The following ZFAND3 variants were observed in gnomAD, a reference collection of about 807,000 sequenced individuals.
ZFAND3 encodes the protein AN1-type zinc finger protein 3.
A neutral mutation model predicts 29.6 loss-of-function variants in ZFAND3; 10 were observed. That is an observed-to-expected ratio of 0.34 (90% CI 0.21 to 0.57). The LOEUF is 0.57. ZFAND3 is among the 20% of genes least tolerant of loss of function. ZFAND3 has a pLI of 0.86. For missense variants in ZFAND3, 230 were observed against 304.5 expected (o/e 0.76, Z 1.82); for synonymous variants, 128 against 112.6 (o/e 1.14, Z -0.87).
At chr6:38,120,113 C>T (rs986402987) in intron 5 of ZFAND3, among the ~76,000 whole-genome samples, 5 of 152,062 alleles carry the variant, frequency 3.3e-5, no homozygotes, top group Non-Finnish European at 7.4e-5. Context: ...AAAACAGTTG[C>T]CTGAAAATGG....
intron 1 of ZFAND3, among the ~76,000 whole-genome samples, chr6:37,924,037 A>G (rs1187705472): frequency 6.6e-6 from 1 of 152,124 alleles, no homozygotes; most frequent in Non-Finnish European, 1.5e-5. Context: ...ACCAGAACAT[A>G]CTATTAAACA....
intron 4 of ZFAND3, among the ~76,000 whole-genome samples, chr6:38,096,492 T>C (rs567423237): frequency 1.3e-3 from 194 of 152,308 alleles, no homozygotes; most frequent in African/African-American, 4.5e-3. Flanking sequence ...TTTATAAGCT[T>C]AGTGTTCTAA....
chr6:38,002,872 G>C, intron 2 of ZFAND3: 1 of 152,076 alleles, frequency 6.6e-6, no homozygotes. Flanking sequence ...CTTCATCTGG[G>C]CCTTCCCTAT....
chr6:37,822,394 T>C (rs971600565), intron 1 of ZFAND3, among the ~76,000 whole-genome samples: 2 of 152,244 alleles, frequency 1.3e-5, no homozygotes, highest in African/African-American at 4.8e-5. Flanking sequence ...GACAATTGTG[T>C]AGTTTGTATT....
At chr6:38,150,421 C>G (rs891097401) in intron 5 of ZFAND3, among the ~76,000 whole-genome samples, 4 of 152,204 alleles carry the variant, frequency 2.6e-5, no homozygotes, top group East Asian at 1.9e-4. Context: ...GTACATGTCC[C>G]TTGCACACAG....
chr6:37,988,105 T>G lies in ZFAND3; in HGVS notation c.112+58106T>G, dbSNP rs144060655. Among the ~76,000 whole-genome samples the G allele has an allele frequency of 4.1e-3, 632 of 152,332 alleles. 7 individuals carry two copies. The highest frequency in any genetic ancestry group is 0.014 in the African/African-American group (595 of 41,584). On this transcript the variant is annotated intron_variant, in intron 2 of 5. Transcript: ENST00000287218. Reference sequence around the variant, plus strand: ...TTTAAAAAAAGTTTTTAATGCTTCCTTAGAAGAAAATATTAATTTTGCCAA... The same window carrying G: ...TTTAAAAAAAGTTTTTAATGCTTCCGTAGAAGAAAATATTAATTTTGCCAA...
intron 5 of ZFAND3, among the ~76,000 whole-genome samples, chr6:38,149,455 TAAC>T (rs888891356): frequency 6.7e-6 from 1 of 150,238 alleles, no homozygotes; most frequent in Non-Finnish European, 1.5e-5. Flanking sequence ...AAGATGTGTC[TAAC>T]AGGTACACAG....
chr6:37,824,304 A>G (rs1363201270), intron 1 of ZFAND3, among the ~76,000 whole-genome samples: 1 of 152,232 alleles, frequency 6.6e-6, no homozygotes, highest in Non-Finnish European at 1.5e-5. Context: ...AACTATACAG[A>G]TATAAGTGGT....
chr6:38,111,933 T>C (rs372557994), intron 4 of ZFAND3, among the ~76,000 whole-genome samples: 247 of 152,334 alleles, frequency 1.6e-3, no homozygotes, highest in Middle Eastern at 3.4e-3. Context: ...TGAGCATCTA[T>C]GGAATTTGGT....
chr6:37,962,360 T>C lies in ZFAND3; in HGVS notation c.112+32361T>C, dbSNP rs116202508. 2.2e-3 allele frequency among the ~76,000 whole-genome samples: 329 copies of C among 152,294 alleles called. 3 individuals carry two copies. The highest frequency in any genetic ancestry group is 7.7e-3 in the African/African-American group (321 of 41,554). On this transcript the variant is annotated intron_variant, in intron 2 of 5. Coordinates refer to ENST00000287218, the MANE Select transcript of ZFAND3 (RefSeq NM_021943.3). ...GCCTACAGGATCTAGAGAATAGCTA[T>C]AAGAGGACAAATCTAAGAGTTACTG... is the stretch of plus-strand genomic sequence containing the variant.
rs115289171 is a variant in ZFAND3 at position 37,991,006 on chromosome 6, C to A, written c.112+61007C>A. On this transcript the variant is annotated intron_variant, in intron 2 of 5. Coordinates refer to ENST00000287218, the MANE Select transcript of ZFAND3 (RefSeq NM_021943.3). The stretch of plus-strand genomic sequence containing the variant: ...AGTTCAGTCAGGGATAAGAGTTTGT[C>A]TTTGTGGGAGTCAGTTTTCACTAAG... Among the ~76,000 whole-genome samples, 470 of 152,320 alleles carry A rather than the reference C, an allele frequency of 3.1e-3. 3 individuals carry two copies. The highest frequency in any genetic ancestry group is 0.011 in the African/African-American group (447 of 41,572).
chr6:37,882,697 G>T (rs965535336), intron 1 of ZFAND3, among the ~76,000 whole-genome samples: 1 of 150,862 alleles, frequency 6.6e-6, no homozygotes, highest in African/African-American at 2.4e-5. Context: ...GCCATGGCCA[G>T]ACTAGGTTAG....
rs759456416 is a variant in ZFAND3 at position 37,915,115 on chromosome 6, T to C, written c.72-14844T>C. 2.6e-5 allele frequency among the ~76,000 whole-genome samples: 4 copies of C among 152,336 alleles called. 1 individual carries two copies. Among genetic ancestry groups the C allele is most frequent in the South Asian group, 2.1e-4 (1 of 4,826 alleles). Reference sequence around the variant, plus strand: ...GCTGCTTCACCTTGCATTTTTGTTATGGAGATGGCTTCTTTTTTTTAAACC... The same window carrying C: ...GCTGCTTCACCTTGCATTTTTGTTACGGAGATGGCTTCTTTTTTTTAAACC... On this transcript the variant is annotated intron_variant, in intron 1 of 5. Transcript: ENST00000287218.
intron 1 of ZFAND3, among the ~76,000 whole-genome samples, chr6:37,925,703 C>CAA (rs35278839): frequency 0.033 from 3,963 of 118,472 alleles, 234 homozygotes; most frequent in East Asian, 0.32. Flanking sequence ...CACTCCATCT[C>CAA]AAAAAAAAAA....
At chr6:38,143,038 C>T (rs185898147) in intron 5 of ZFAND3, 16 of 152,332 alleles carry the variant, frequency 1.1e-4, no homozygotes, top group African/African-American at 3.9e-4. Context: ...TAACCTTACC[C>T]TACCCGCTGG....
At chr6:37,954,723 A>G (rs1349746267) in intron 2 of ZFAND3, among the ~76,000 whole-genome samples, 2 of 152,178 alleles carry the variant, frequency 1.3e-5, no homozygotes, top group African/African-American at 2.4e-5. Context: ...AAAACTTCCC[A>G]TGCTTTATTC....
At chr6:37,918,729 A>T (rs1160371090) in intron 1 of ZFAND3, among the ~76,000 whole-genome samples, 1 of 152,114 alleles carries the variant, frequency 6.6e-6, no homozygotes, top group Non-Finnish European at 1.5e-5. Context: ...AATTATTTTG[A>T]CACACTTTGG....
At chr6:38,008,576 G>C (rs539381526) in intron 2 of ZFAND3, among the ~76,000 whole-genome samples, 3 of 152,066 alleles carry the variant, frequency 2.0e-5, no homozygotes, top group Admixed American at 2.0e-4. Flanking sequence ...GCATGAGAAC[G>C]CCACTGTGGA....
chr6:37,955,112 C>T (rs1408203790), intron 2 of ZFAND3, among the ~76,000 whole-genome samples: 1 of 151,700 alleles, frequency 6.6e-6, no homozygotes, highest in African/African-American at 2.4e-5. Flanking sequence ...CTGCTTTGTT[C>T]TCTGTGGACT....
Sources: allele counts gnomAD v4.1 joint callset (sites outside exome capture counted in the v4.1 genomes callset), GRCh38; gene constraint gnomAD v4.1.1; transcripts MANE v1.5; gene names NCBI Gene and HGNC (gene_info 2026-07-23, HGNC 2026-07-21).